GALNT13: variants seen among roughly 807,000 people sequenced by gnomAD.
The protein encoded by GALNT13 is UDP-GalNAc:polypeptide N-acetylgalactosaminyltransferase 13.
Under a neutral mutation model 64.2 loss-of-function variants are expected in GALNT13, and 28 were observed. The observed-to-expected ratio is 0.44, with a 90% CI of 0.32 to 0.60. GALNT13 has a LOEUF of 0.60. Ranked by LOEUF, GALNT13 falls within the 20% of genes least tolerant of loss-of-function variation. The probability of loss-of-function intolerance (pLI) is 0.05; values close to 1 mark genes in which losing one functional copy is unlikely to be tolerated. For missense variants in GALNT13, 577 were observed against 669.8 expected (o/e 0.86, Z 1.53); for synonymous variants, 214 against 224.6 (o/e 0.95, Z 0.42).
intron 3 of GALNT13, among the ~76,000 whole-genome samples, chr2:153,998,036 T>TCTA (rs994197168): frequency 1.3e-5 from 2 of 152,202 alleles, no homozygotes; most frequent in Non-Finnish European, 2.9e-5. Context: ...CTTTATCAGG[T>TCTA]CTATCATTGA....
intron 4 of GALNT13, among the ~76,000 whole-genome samples, chr2:154,219,114 A>G (rs1283650268): frequency 2.0e-5 from 3 of 152,136 alleles, no homozygotes; most frequent in African/African-American, 4.8e-5. Flanking sequence ...ATGTTTTCTT[A>G]ATTTTTATAT....
intron 4 of GALNT13, among the ~76,000 whole-genome samples, chr2:154,166,587 G>T (rs973376722): frequency 1.1e-4 from 17 of 152,334 alleles, no homozygotes; most frequent in African/African-American, 3.8e-4. Flanking sequence ...CAAGGATCTA[G>T]AACTAGAAAT....
chr2:153,441,738 A>C, the GALNT13 span, among the ~76,000 whole-genome samples: 1 of 151,488 alleles, frequency 6.6e-6, no homozygotes, highest in Non-Finnish European at 1.5e-5. Context: ...TCATGACTTG[A>C]CTCTCTGCTT....
chr2:153,774,899 G>A, the GALNT13 span, among the ~76,000 whole-genome samples: 1 of 152,170 alleles, frequency 6.6e-6, no homozygotes, highest in African/African-American at 2.4e-5. Flanking sequence ...AACAGAATGA[G>A]ATCCTGTCTC....
At chr2:153,217,136 C>T in the GALNT13 span, among the ~76,000 whole-genome samples, 5 of 151,832 alleles carry the variant, frequency 3.3e-5, no homozygotes, top group African/African-American at 4.8e-5. Flanking sequence ...GTGTATATTT[C>T]TGGAGTCTCT....
At chr2:153,131,978 C>T in the GALNT13 span, among the ~76,000 whole-genome samples, 1 of 152,120 alleles carries the variant, frequency 6.6e-6, no homozygotes, top group African/African-American at 2.4e-5. Flanking sequence ...ACGATGGCCA[C>T]ATGCTGAAAG....
chr2:153,178,508 T>C, the GALNT13 span, among the ~76,000 whole-genome samples: 2 of 152,170 alleles, frequency 1.3e-5, no homozygotes, highest in Non-Finnish European at 2.9e-5. Context: ...CTTAATTATC[T>C]TTGAGAACTA....
the GALNT13 span, among the ~76,000 whole-genome samples, chr2:153,285,482 T>A: frequency 6.6e-6 from 1 of 152,184 alleles, no homozygotes; most frequent in Non-Finnish European, 1.5e-5. Flanking sequence ...TGTTCAGTGT[T>A]ATCAAAACTG....
At chr2:154,349,076 C>A (rs1696238581) in intron 9 of GALNT13, among the ~76,000 whole-genome samples, 2 of 152,112 alleles carry the variant, frequency 1.3e-5, no homozygotes, top group Admixed American at 6.5e-5. Flanking sequence ...CTCATATGTG[C>A]TGTATTAATC....
At chr2:154,334,448 T>C (rs1217302173) in intron 9 of GALNT13, among the ~76,000 whole-genome samples, 1 of 152,030 alleles carries the variant, frequency 6.6e-6, no homozygotes, top group Non-Finnish European at 1.5e-5. Context: ...CTACAGAAAT[T>C]TTTAAGCTGT....
chr2:154,011,689 G>A (rs1290708093), intron 3 of GALNT13, among the ~76,000 whole-genome samples: 1 of 152,092 alleles, frequency 6.6e-6, no homozygotes, highest in Non-Finnish European at 1.5e-5. Context: ...GACTGTTATT[G>A]TGTGGTTATC....
intron 9 of GALNT13, among the ~76,000 whole-genome samples, chr2:154,311,275 G>T (rs545928051): frequency 6.6e-6 from 1 of 152,080 alleles, no homozygotes; most frequent in Admixed American, 6.5e-5. Context: ...CGATAATCAC[G>T]TAGGTTCTTT....
rs1168904802 is a variant in GALNT13, at chr2:154,039,950, T to C, written c.142+95311T>C. On this transcript the variant is annotated intron_variant, in intron 3 of 12. Transcript: ENST00000392825. Reference sequence around the variant, plus strand: ...AGTGTCTATAATTATTCAGGTATAATTTTACACTGTTATCTGTAGCTTACT... The same window carrying C: ...AGTGTCTATAATTATTCAGGTATAACTTTACACTGTTATCTGTAGCTTACT... Among the ~76,000 whole-genome samples the C allele has an allele frequency of 1.4e-5, 2 of 140,790 alleles. 1 individual carries two copies. 92.4% of individuals were successfully genotyped at this position (140,790 alleles called of 152,430 possible).
Position 154,236,135 on chromosome 2 carries a change from T to C in GALNT13, c.312-5895T>C, listed in dbSNP as rs1389467151. 1.7e-5 allele frequency: 19 copies of C among 1,132,674 alleles called. No homozygotes were observed. In the East Asian group the frequency reaches 1.2e-3, roughly 69 times the overall value. 70.2% of individuals were successfully genotyped at this position (1,132,674 alleles called of 1,614,324 possible). ...GAGAAGACTTTCTGACTTTCCCTGC[T>C]TTCGTGACAGTAAATATTGTCTTCT... On this transcript the variant is annotated intron_variant, in intron 4 of 12. Transcript: ENST00000392825.
chr2:154,178,952 G>A (rs1685807810), intron 4 of GALNT13, among the ~76,000 whole-genome samples: 1 of 152,170 alleles, frequency 6.6e-6, no homozygotes, highest in Non-Finnish European at 1.5e-5. Context: ...TCCCAAAGGT[G>A]CATTAGGATC....
chr2:153,883,805 A>G (rs1574038648), intron 1 of GALNT13, among the ~76,000 whole-genome samples: 1 of 152,250 alleles, frequency 6.6e-6, no homozygotes, highest in East Asian at 1.9e-4. Context: ...AAAAAGGGAA[A>G]ATAACCATAG....
At chr2:154,137,413 T>A (rs2105569239) in intron 3 of GALNT13, among the ~76,000 whole-genome samples, 1 of 152,166 alleles carries the variant, frequency 6.6e-6, no homozygotes, top group East Asian at 1.9e-4. Context: ...AACCTGATAT[T>A]CTTTAAGTTG....
rs2105513840 is a variant in GALNT13, at chr2:154,453,207, C to T, written c.*2656C>T. On this transcript the variant is annotated 3_prime_UTR_variant, in exon 13 of 13. Transcript: ENST00000392825. Reference sequence around the variant, plus strand: ...AACAATCTTTTCTCAGTACAACAGCCATAGTGATTCTGTTAACCATGAATT... The same window carrying T: ...AACAATCTTTTCTCAGTACAACAGCTATAGTGATTCTGTTAACCATGAATT... 1 of 152,236 alleles carries T rather than the reference C, an allele frequency of 6.6e-6. No homozygotes were observed. The highest frequency in any genetic ancestry group is 6.5e-5 in the Admixed American group (1 of 15,268). 9.4% of individuals were successfully genotyped at this position (152,236 alleles called of 1,614,324 possible).
the GALNT13 span, among the ~76,000 whole-genome samples, chr2:153,085,334 TCC>T: frequency 6.6e-6 from 1 of 152,172 alleles, no homozygotes; most frequent in Non-Finnish European, 1.5e-5. Flanking sequence ...TGGATGTTAA[TCC>T]CCAAGACAAT....
Sources: allele counts gnomAD v4.1 joint callset (sites outside exome capture counted in the v4.1 genomes callset), GRCh38; gene constraint gnomAD v4.1.1; transcripts MANE v1.5; gene names NCBI Gene and HGNC (gene_info 2026-07-23, HGNC 2026-07-21).